The following FREM2 variants were observed in gnomAD, a reference collection of about 807,000 sequenced individuals.
The protein encoded by FREM2 is FRAS1-related extracellular matrix protein 2.
Under a neutral mutation model 219.9 loss-of-function variants are expected in FREM2, and 119 were observed. The observed-to-expected ratio is 0.54, with a 90% CI of 0.47 to 0.63. The LOEUF (loss-of-function observed/expected upper bound fraction) is 0.63, where lower values mean the gene tolerates loss of function less well. FREM2 is among the 30% of genes least tolerant of loss of function. The probability of loss-of-function intolerance (pLI) is 0.00; values close to 1 mark genes in which losing one functional copy is unlikely to be tolerated. For missense variants in FREM2, 4,030 were observed against 3,993.6 expected, an observed-to-expected ratio of 1.01 and a Z score of -0.25; for synonymous variants, 1,562 against 1,522.8, an observed-to-expected ratio of 1.03 and a Z score of -0.60.
chr13:38,862,426 G>A (rs906495208), intron 15 of FREM2, among the ~76,000 whole-genome samples: 6 of 152,112 alleles, frequency 3.9e-5, no homozygotes, highest in Admixed American at 3.9e-4. Flanking sequence ...AGCTGCAAAG[G>A]GCTGAGAAGG....
chr13:38,742,238 T>A (rs1410286092), intron 2 of FREM2, among the ~76,000 whole-genome samples: 1 of 152,150 alleles, frequency 6.6e-6, no homozygotes, highest in Admixed American at 6.6e-5. Context: ...ACTACAAGGG[T>A]TGTATAAAAA....
chr13:38,844,997 A>G (rs1877098251), intron 6 of FREM2, among the ~76,000 whole-genome samples: 2 of 152,206 alleles, frequency 1.3e-5, no homozygotes, highest in Non-Finnish European at 1.5e-5. Context: ...TATACACATT[A>G]CACTCATGTG....
At chr13:38,714,236 A>G (rs899205939) in intron 2 of FREM2, among the ~76,000 whole-genome samples, 1 of 152,232 alleles carries the variant, frequency 6.6e-6, no homozygotes, top group Admixed American at 6.5e-5. Flanking sequence ...TGCTGTATTA[A>G]ACCTGTATTA....
rs373401997 is a variant in FREM2, at chr13:38,691,628, A to G, written c.4284A>G (p.Gly1428=). 6 of 1,613,970 alleles carry G rather than the reference A, an allele frequency of 3.7e-6. No homozygotes were observed. The highest frequency in any genetic ancestry group is 1.6e-4 in the Middle Eastern group (1 of 6,084). The stretch of plus-strand genomic sequence containing the variant: ...TCTTCCCTGATGTGATAAGTAAGGG[A>G]GTGTCCTTGAAAGAAGGTGGCAAAG... ...DIVFPDVISK[G]VSLKEGGKVT... is the part of the protein sequence containing the mutation. Residue 1428 remains glycine (G), a synonymous_variant, in exon 1 of 24, where the codon GGA becomes GGG. Coordinates refer to ENST00000280481, the MANE Select transcript of FREM2 (RefSeq NM_207361.6).
chr13:38,844,984 A>G (rs1178424601), intron 6 of FREM2, among the ~76,000 whole-genome samples: 1 of 152,212 alleles, frequency 6.6e-6, no homozygotes, highest in Non-Finnish European at 1.5e-5. Context: ...TAACACCTTC[A>G]TCTATACACA....
At chr13:38,830,827 G>A (rs1340499182) in intron 6 of FREM2, among the ~76,000 whole-genome samples, 1 of 152,124 alleles carries the variant, frequency 6.6e-6, no homozygotes, top group Non-Finnish European at 1.5e-5. Context: ...GGGAACCTCT[G>A]CACTACAGCA....
rs1878277993 is a variant in FREM2, at chr13:38,874,536, A to C, written c.8231A>C (p.His2744Pro). 6.2e-7 allele frequency: 1 copy of C among 1,614,150 alleles called. No individual in the cohort carries two copies. The highest frequency in any genetic ancestry group is 8.5e-7 in the Non-Finnish European group (1 of 1,179,992). ...RIGDEGRLAV[H>P]FKTEAQFHGL... Reference sequence around the variant, plus strand: ...GGTGATGAGGGGCGCTTGGCCGTGCACTTCAAGACAGAGGCTCAGTTCCAT... The same window carrying C: ...GGTGATGAGGGGCGCTTGGCCGTGCCCTTCAAGACAGAGGCTCAGTTCCAT... Residue 2744 changes from histidine to proline, a missense_variant, in exon 18 of 24, where the codon CAC becomes CCC. Transcript: ENST00000280481.
chr13:38,792,362 A>T (rs181479582), intron 6 of FREM2, among the ~76,000 whole-genome samples: 34 of 152,254 alleles, frequency 2.2e-4, no homozygotes, highest in Middle Eastern at 3.4e-3. Flanking sequence ...AATATATTTT[A>T]AAAAAGTCCC....
chr13:38,716,635 G>A (rs965852646), intron 2 of FREM2, among the ~76,000 whole-genome samples: 3 of 152,010 alleles, frequency 2.0e-5, no homozygotes, highest in East Asian at 1.9e-4. Context: ...AACCTCCCAA[G>A]TAGCTGGGAT....
chr13:38,745,123 A>C (rs945265474), intron 2 of FREM2, among the ~76,000 whole-genome samples: 1 of 152,224 alleles, frequency 6.6e-6, no homozygotes. Context: ...GGAAAATATG[A>C]CTGTAAGGAA....
In FREM2 at chr13:38,689,437, G is replaced by A. The variant is rs201217034; in HGVS notation, c.2093G>A (p.Arg698His). ...RFVIRIHPVD[R>H]LPPELGSGCP... is the part of the protein sequence containing the mutation. ...GTGATTCGTATCCATCCTGTGGATC[G>A]CCTCCCTCCGGAGCTGGGCAGTGGC... Residue 698 changes from arginine (R) to histidine (H), a missense_variant, in exon 1 of 24, where the codon CGC (arginine) becomes CAC (histidine). Around this residue, in one of 2 missense-constraint regions of FREM2, gnomAD observed 3,102 missense variants for 2,950.7 expected, o/e 1.05. Transcript: ENST00000280481. The A allele has an allele frequency of 3.1e-5, 50 of 1,613,758 alleles. No individual in the cohort carries two copies. Among genetic ancestry groups the A allele is most frequent in the East Asian group, 1.8e-4 (8 of 44,874 alleles).
At position 38,692,042 on chromosome 13, in the gene FREM2, G is replaced by A. The variant is rs1351788436; in HGVS notation, c.4698G>A (p.Lys1566=). ...LTVEDRDTPD[K]LLKFTITQVP... ...TCGAAGACAGAGATACTCCTGACAA[G>A]CTCCTGAAATTCACTATCACCCAGG... is the stretch of plus-strand genomic sequence containing the variant. The change falls in exon 1 of 24, where the codon AAG becomes AAA. Residue 1566 remains lysine (K), a synonymous_variant. Transcript: ENST00000280481. 1.2e-6 allele frequency: 2 copies of A among 1,614,196 alleles called. No individual in the cohort carries two copies. Among genetic ancestry groups the A allele is most frequent in the Non-Finnish European group, 1.7e-6 (2 of 1,180,042 alleles).
chr13:38,728,950 C>T (rs1871650511), intron 2 of FREM2, among the ~76,000 whole-genome samples: 1 of 152,192 alleles, frequency 6.6e-6, no homozygotes, highest in Non-Finnish European at 1.5e-5. Flanking sequence ...ATTCTCCTGC[C>T]TCAGCCTCCC....
Position 38,691,036 on chromosome 13 carries a change from A to T in FREM2, c.3692A>T (p.Gln1231Leu). The change falls in exon 1 of 24, where the codon CAA becomes CTA. Residue 1231 changes from glutamine (Q) to leucine (L), a missense_variant. By Grantham distance (113) the Gln-to-Leu change is moderately radical (BLOSUM62 -2). Around this residue, in one of 2 missense-constraint regions of FREM2, gnomAD observed 3,102 missense variants for 2,950.7 expected, o/e 1.05. Coordinates refer to ENST00000280481, the MANE Select transcript of FREM2 (RefSeq NM_207361.6). The part of the protein sequence containing the change: ...PLDDLTFTIT[Q>L]FPTHGHIMNQ... ...GATGATTTAACTTTCACTATTACCC[A>T]ATTCCCCACTCATGGTCACATCATG... The T allele has an allele frequency of 1.2e-6, 2 of 1,614,092 alleles. No homozygotes were observed. Among genetic ancestry groups the T allele is most frequent in the Non-Finnish European group, 1.7e-6 (2 of 1,180,008 alleles).
At chr13:38,737,913 G>A (rs977289186) in intron 2 of FREM2, among the ~76,000 whole-genome samples, 1 of 152,198 alleles carries the variant, frequency 6.6e-6, no homozygotes, top group Admixed American at 6.5e-5. Flanking sequence ...GATCACTGGG[G>A]AGCTAATTGG....
At chr13:38,697,566 C>T (rs79481972) in intron 1 of FREM2, 132 bp from the exon 2 acceptor site, 9,952 of 673,454 alleles carry the variant, frequency 0.015, 147 homozygotes, top group Non-Finnish European at 0.017. Context: ...AATAAGACAG[C>T]ACTGTTTCTG....
chr13:38,708,383 G>C (rs761725955), intron 2 of FREM2, among the ~76,000 whole-genome samples: 1 of 152,190 alleles, frequency 6.6e-6, no homozygotes. Context: ...ACCGGGCGCA[G>C]TGGCTCATGC....
chr13:38,855,949 A>AT (rs1341061700), intron 11 of FREM2, among the ~76,000 whole-genome samples, 177 bp from the exon 12 acceptor site: 1 of 151,948 alleles, frequency 6.6e-6, no homozygotes, highest in Non-Finnish European at 1.5e-5. Flanking sequence ...TAGAATAAGA[A>AT]TTAGTGATGT....
rs751885546 is a variant in FREM2, at chr13:38,850,948, G to A, written c.6582G>A (p.Glu2194=). 1.2e-6 allele frequency: 2 copies of A among 1,611,614 alleles called. No homozygotes were observed. Among genetic ancestry groups the A allele is most frequent in the Non-Finnish European group, 1.7e-6 (2 of 1,179,880 alleles). Residue 2194 remains glutamate (E), a synonymous_variant, in exon 10 of 24, where the codon GAG becomes GAA. Coordinates refer to ENST00000280481, the MANE Select transcript of FREM2 (RefSeq NM_207361.6). The part of the protein sequence containing the change: ...DTSIITFLPG[E]TEKPCILELM... ...CTGCTGACATTATTGTTCCAGGTGAGACAGAAAAGCCCTGCATTCTTGAGC... is the reference window on the plus strand; with the variant it reads ...CTGCTGACATTATTGTTCCAGGTGAAACAGAAAAGCCCTGCATTCTTGAGC...
Sources: allele counts gnomAD v4.1 joint callset (sites outside exome capture counted in the v4.1 genomes callset), GRCh38; gene constraint gnomAD v4.1.1; regional missense constraint gnomAD v4.1.1; transcripts MANE v1.5; gene names NCBI Gene and HGNC (gene_info 2026-07-23, HGNC 2026-07-21).